GREB1: variants seen among roughly 807,000 people sequenced by gnomAD.
GREB1 encodes the protein protein GREB1.
In GREB1, 106 loss-of-function variants were observed where a neutral mutation model predicts 200.7. The ratio of observed to expected loss-of-function variants is 0.53; its 90% CI spans 0.45 to 0.62. The LOEUF (loss-of-function observed/expected upper bound fraction) is 0.62. Ranked by LOEUF, GREB1 falls within the 20% of genes least tolerant of loss-of-function variation. GREB1 has a pLI of 0.00. For missense variants in GREB1, 2,243 were observed against 2,556.8 expected (o/e 0.88, Z 2.65); for synonymous variants, 1,132 against 1,092.4 (o/e 1.04, Z -0.72).
chr2:11,527,972 T>G (rs1200095807), intron 1 of GREB1, among the ~76,000 whole-genome samples: 1 of 152,238 alleles, frequency 6.6e-6, no homozygotes, highest in Admixed American at 6.5e-5. Context: ...TTTTGAAGGC[T>G]TTTCTTCTTT....
intron 1 of GREB1, among the ~76,000 whole-genome samples, chr2:11,498,589 G>T (rs1185315581): frequency 1.5e-4 from 23 of 152,198 alleles, no homozygotes. Context: ...GGGGCAGTGA[G>T]GTGGGGACGT....
chr2:11,602,886 T>C (rs1681911691), intron 17 of GREB1, among the ~76,000 whole-genome samples: 1 of 145,968 alleles, frequency 6.9e-6, no homozygotes, highest in South Asian at 2.1e-4. Flanking sequence ...GTCAGCTTTG[T>C]TTTTATTTCC....
At chr2:11,576,795 G>T (rs1678906822) in intron 5 of GREB1, among the ~76,000 whole-genome samples, 1 of 152,124 alleles carries the variant, frequency 6.6e-6, no homozygotes, top group African/African-American at 2.4e-5. Context: ...CAGCACTTAG[G>T]GAGGCTGAGG....
intron 1 of GREB1, among the ~76,000 whole-genome samples, chr2:11,516,313 T>G (rs1331248836): frequency 2.8e-5 from 3 of 106,166 alleles, no homozygotes; most frequent in Admixed American, 8.5e-5. Context: ...TTCCTGCAGG[T>G]GTGTGTGTGT....
At chr2:11,591,023 G>A (rs2148171315) in intron 10 of GREB1, among the ~76,000 whole-genome samples, 1 of 152,296 alleles carries the variant, frequency 6.6e-6, no homozygotes, top group South Asian at 2.1e-4. Flanking sequence ...AGTCATATTG[G>A]AGTGGGTTAG....
At chr2:11,575,390 G>C (rs1388672624) in intron 4 of GREB1, among the ~76,000 whole-genome samples, 2 of 152,202 alleles carry the variant, frequency 1.3e-5, no homozygotes, top group Non-Finnish European at 2.9e-5. Flanking sequence ...GTCTGAATAG[G>C]CTTTACAGTG....
At position 11,629,942 on chromosome 2, in the gene GREB1, C is replaced by T. The variant is rs1341699398; in HGVS notation, c.4450-6C>T. 2 of 1,613,746 alleles carry T rather than the reference C, an allele frequency of 1.2e-6. No homozygotes were observed. On this transcript the variant is annotated splice_region_variant and splice_polypyrimidine_tract_variant and intron_variant, in intron 25 of 32. Transcript: ENST00000381486. The surrounding 1 kb of genome is among the most constrained non-coding windows in gnomAD (Gnocchi z 5.2). ...GGCAAGCTCTGTCCTTTCCCCCACACCCCAGCTGTATGAGTCCACCCTGCA... is the reference window on the plus strand; with the variant it reads ...GGCAAGCTCTGTCCTTTCCCCCACATCCCAGCTGTATGAGTCCACCCTGCA...
At position 11,580,340 on chromosome 2, in the gene GREB1, T is replaced by A. The variant is rs1347628128; in HGVS notation, c.773-364T>A. On this transcript the variant is annotated intron_variant, in intron 6 of 32. Coordinates refer to ENST00000381486, the MANE Select transcript of GREB1 (RefSeq NM_014668.4). The surrounding 1 kb of genome is among the most constrained non-coding windows in gnomAD (Gnocchi z 4.5). ...TGGAATTCAGGAAGTCCCCCGGTCC[T>A]TCTTTAACTCAGGCTGTGTGTCCAA... 6.6e-6 allele frequency among the ~76,000 whole-genome samples: 1 copy of A among 152,208 alleles called. No homozygotes were observed. Among genetic ancestry groups the A allele is most frequent in the East Asian group, 1.9e-4 (1 of 5,200 alleles).
Position 11,625,260 on chromosome 2 carries a change from G to A in GREB1, c.4254G>A (p.Lys1418=), listed in dbSNP as rs1196949592. ...TTGACTACATCATTCACGACCCGAA[G>A]TATGAAGATGCCAGCCTGATTTGTT... ...LPFDYIIHDP[K]YEDASLICSH... Residue 1418 remains lysine, a synonymous_variant, in exon 24 of 33, where the codon AAG becomes AAA. Coordinates refer to ENST00000381486, the MANE Select transcript of GREB1 (RefSeq NM_014668.4). 3.7e-6 allele frequency: 6 copies of A among 1,614,064 alleles called. No homozygotes were observed. Among genetic ancestry groups the A allele is most frequent in the Non-Finnish European group, 5.1e-6 (6 of 1,180,028 alleles).
At chr2:11,628,931 C>T (rs1428573952) in intron 25 of GREB1, among the ~76,000 whole-genome samples, 2 of 152,164 alleles carry the variant, frequency 1.3e-5, no homozygotes, top group Non-Finnish European at 2.9e-5. Context: ...GTGCAGAGGC[C>T]GCGTGGCCCC....
Position 11,620,939 on chromosome 2 carries a change from G to A in GREB1, c.4079G>A (p.Ser1360Asn), listed in dbSNP as rs749666999. The part of the protein sequence containing the change: ...GKTGAYLQFL[S>N]VLSRMLVRLT... ...ACAGGTGCCTACCTGCAGTTCCTCA[G>A]TGTCCTGTCCAGGATGCTTGTTCGG... Residue 1360 changes from serine (S) to asparagine (N), a missense_variant, in exon 23 of 33, where the codon AGT (serine) becomes AAT (asparagine). Physicochemically the swap from Ser to Asn is conservative, Grantham distance 46 (BLOSUM62 1). This residue lies in a region of GREB1 where 587 missense variants were observed against 553.1 expected (regional missense o/e 1.06). Transcript: ENST00000381486. The A allele has an allele frequency of 6.2e-7, 1 of 1,613,016 alleles. No homozygotes were observed. Among genetic ancestry groups the A allele is most frequent in the East Asian group, 2.2e-5 (1 of 44,882 alleles).
chr2:11,586,951 G>A (rs770446358), intron 9 of GREB1, among the ~76,000 whole-genome samples: 2 of 152,078 alleles, frequency 1.3e-5, no homozygotes, highest in Non-Finnish European at 2.9e-5. Context: ...TGGTAGGCCC[G>A]AAGACCACGG....
At position 11,640,277 on chromosome 2, in the gene GREB1, C is replaced by T. The variant is rs772622849; in HGVS notation, c.5687-14C>T. 8.1e-6 allele frequency: 13 copies of T among 1,603,552 alleles called. No homozygotes were observed. The highest frequency in any genetic ancestry group is 1.1e-5 in the South Asian group (1 of 90,318). On this transcript the variant is annotated splice_polypyrimidine_tract_variant and intron_variant, in intron 32 of 32. Transcript: ENST00000381486. This position sits in a 1 kb window ranked among gnomAD's most constrained non-coding sequence, Gnocchi z 4.6. Reference sequence around the variant, plus strand: ...ACCTTTTCCCTTCCCACACCTCTGCCGTTGTCCACGCAGGTGCGACGTTGT... The same window carrying T: ...ACCTTTTCCCTTCCCACACCTCTGCTGTTGTCCACGCAGGTGCGACGTTGT...
rs1685497501 is a variant in GREB1, at chr2:11,637,742, G to T, written c.5373G>T (p.Val1791=). The change falls in exon 31 of 33, where the codon GTG becomes GTT. Residue 1791 remains valine (V), a synonymous_variant. Coordinates refer to ENST00000381486, the MANE Select transcript of GREB1 (RefSeq NM_014668.4). ...TGTCTGATAACTCTGCCGCGGTCGT[G>T]CCGGCCCAGTACATCTGTGCCCCGG... ...SKVSDNSAAV[V]PAQYICAPDS... 2 of 1,613,468 alleles carry T rather than the reference G, an allele frequency of 1.2e-6. No homozygotes were observed. The highest frequency in any genetic ancestry group is 1.7e-6 in the Non-Finnish European group (2 of 1,180,016).
In GREB1 at chr2:11,585,747, C is replaced by A. The variant is rs537512680; in HGVS notation, c.1016-15C>A. On this transcript the variant is annotated splice_polypyrimidine_tract_variant and intron_variant, in intron 8 of 32. Transcript: ENST00000381486. Reference sequence around the variant, plus strand: ...CTTGTCTGATGTTTTCACTAATATTCTTGGGTGTTCCTAGAGAGCGCAGGC... The same window carrying A: ...CTTGTCTGATGTTTTCACTAATATTATTGGGTGTTCCTAGAGAGCGCAGGC... 6.2e-7 allele frequency: 1 copy of A among 1,612,308 alleles called. No individual in the cohort carries two copies. The highest frequency in any genetic ancestry group is 1.1e-5 in the South Asian group (1 of 90,986).
At chr2:11,616,540 C>A in intron 20 of GREB1, 91 bp from the exon 21 acceptor site, 1 of 799,180 alleles carries the variant, frequency 1.3e-6, no homozygotes, top group Non-Finnish European at 2.2e-6. Flanking sequence ...AGAGGTGATG[C>A]ATGGGAACAC....
Position 11,588,389 on chromosome 2 carries a change from T to C in GREB1, c.1160-357T>C, listed in dbSNP as rs1204142673. On this transcript the variant is annotated intron_variant, in intron 9 of 32. Transcript: ENST00000381486. ...CAGCACCCAGTGAAGCTCTGGAAGG[T>C]GCTCTGCCCACAAGGTGTCCCATTG... The C allele has an allele frequency of 4.4e-6, 3 of 685,852 alleles. No homozygotes were observed. In the Admixed American group the frequency reaches 1.1e-4, roughly 26 times the overall value. 42.5% of individuals were successfully genotyped at this position (685,852 alleles called of 1,614,324 possible). A position where few individuals can be genotyped will look rare whatever the true frequency, so the allele number is the denominator to read the frequency against.
intron 11 of GREB1, among the ~76,000 whole-genome samples, chr2:11,594,280 G>A (rs1014445800): frequency 1.3e-5 from 2 of 152,082 alleles, no homozygotes; most frequent in Non-Finnish European, 2.9e-5. Flanking sequence ...AAAGTGCTGG[G>A]ATTACAGGCA....
At chr2:11,494,407 T>G (rs76678466) in intron 1 of GREB1, among the ~76,000 whole-genome samples, 5,218 of 152,342 alleles carry the variant, frequency 0.034, 302 homozygotes, top group African/African-American at 0.11. Flanking sequence ...CTGAATGAGA[T>G]TCCCTGATGG....
Sources: allele counts gnomAD v4.1 joint callset (sites outside exome capture counted in the v4.1 genomes callset), GRCh38; gene constraint gnomAD v4.1.1; regional missense constraint gnomAD v4.1.1; non-coding constraint Gnocchi (gnomAD v3.1); transcripts MANE v1.5; gene names NCBI Gene and HGNC (gene_info 2026-07-23, HGNC 2026-07-21).